GLRB: variants seen among roughly 807,000 people sequenced by gnomAD.
GLRB encodes the protein glycine receptor beta, also known as glycine receptor subunit beta.
In GLRB, 33 loss-of-function variants were observed where a neutral mutation model predicts 54.2. The observed-to-expected ratio is 0.61, with a 90% CI of 0.46 to 0.81. The LOEUF (loss-of-function observed/expected upper bound fraction) is 0.81. Ranked by LOEUF, GLRB falls within the 40% of genes least tolerant of loss-of-function variation. The pLI, the probability that GLRB is intolerant of heterozygous loss-of-function variation, is 0.00. For missense variants in GLRB, 572 were observed against 584.6 expected (o/e 0.98, Z 0.22); for synonymous variants, 209 against 208.2 (o/e 1.00, Z -0.03).
chr4:157,161,797 C>A (rs1737505487), intron 9 of GLRB, among the ~76,000 whole-genome samples: 1 of 152,152 alleles, frequency 6.6e-6, no homozygotes, highest in South Asian at 2.1e-4. Context: ...GTGAATCTGA[C>A]AATTATGTGT....
intron 8 of GLRB, among the ~76,000 whole-genome samples, chr4:157,148,452 C>G (rs1736897553): frequency 6.6e-6 from 1 of 152,112 alleles, no homozygotes; most frequent in Non-Finnish European, 1.5e-5. Context: ...GAAAGTAGGA[C>G]TCAGACAATT....
chr4:157,160,312 CT>C (rs1737428364), intron 9 of GLRB, among the ~76,000 whole-genome samples: 1 of 151,764 alleles, frequency 6.6e-6, no homozygotes, highest in African/African-American at 2.4e-5. Context: ...TTTTGAAGGG[CT>C]TTTTGTGCCT....
intron 2 of GLRB, among the ~76,000 whole-genome samples, chr4:157,111,346 A>G (rs1407676652): frequency 6.6e-6 from 1 of 151,906 alleles, no homozygotes; most frequent in Admixed American, 6.6e-5. Flanking sequence ...CTAGTGTGCT[A>G]GTGTATGATG....
intron 4 of GLRB, among the ~76,000 whole-genome samples, chr4:157,126,101 G>A (rs1300110686): frequency 1.3e-5 from 2 of 151,788 alleles, no homozygotes; most frequent in Non-Finnish European, 2.9e-5. Flanking sequence ...AAGGAAGAGG[G>A]GCAGCCCATT....
chr4:157,120,770 G>T, intron 3 of GLRB, 108 bp downstream of exon 3: 1 of 592,450 alleles, frequency 1.7e-6, no homozygotes. Flanking sequence ...ATTCAAAACA[G>T]TAAGATTTCA....
intron 9 of GLRB, among the ~76,000 whole-genome samples, chr4:157,154,919 C>T (rs1456959237): frequency 6.6e-6 from 1 of 152,066 alleles, no homozygotes; most frequent in East Asian, 1.9e-4. Flanking sequence ...AAAAATGTTA[C>T]CTCTCTTTCA....
chr4:157,079,710 C>G (rs1015602802), intron 2 of GLRB, among the ~76,000 whole-genome samples: 11 of 152,182 alleles, frequency 7.2e-5, no homozygotes, highest in Non-Finnish European at 1.6e-4. Context: ...ACCATCTCAA[C>G]TCTTCACTGT....
intron 3 of GLRB, 54 bp downstream of exon 3, chr4:157,120,716 A>G (rs1467020156): frequency 1.2e-6 from 1 of 821,742 alleles, no homozygotes; most frequent in Non-Finnish European, 2.1e-6. Context: ...TTAATTTTAT[A>G]TGTTTAGAGA....
intron 1 of GLRB, 167 bp downstream of exon 1, chr4:157,076,464 G>T (rs1216937178): frequency 1.4e-5 from 2 of 143,892 alleles, no homozygotes; most frequent in Non-Finnish European, 3.0e-5. Context: ...GCCCTGCGCG[G>T]GAGAGGGGCG....
chr4:157,122,681 T>C (rs1735875434), intron 4 of GLRB, among the ~76,000 whole-genome samples: 1 of 151,796 alleles, frequency 6.6e-6, no homozygotes, highest in Non-Finnish European at 1.5e-5. Context: ...AAAGCGCTTA[T>C]GCCATGAAGA....
At chr4:157,111,723 C>G (rs567561715) in intron 2 of GLRB, among the ~76,000 whole-genome samples, 5 of 152,086 alleles carry the variant, frequency 3.3e-5, no homozygotes, top group Admixed American at 1.3e-4. Context: ...GCTGACATCA[C>G]TCTTAGGGAA....
intron 4 of GLRB, 178 bp from the exon 5 acceptor site, chr4:157,136,291 C>G: frequency 1.7e-6 from 1 of 605,898 alleles, no homozygotes. Context: ...AGACAAGTGT[C>G]TTTATACTGC....
At chr4:157,087,682 C>G (rs1054155895) in intron 2 of GLRB, among the ~76,000 whole-genome samples, 1 of 151,814 alleles carries the variant, frequency 6.6e-6, no homozygotes, top group Admixed American at 6.6e-5. Flanking sequence ...AGGTATTTAA[C>G]TGAACTCCAA....
At chr4:157,082,585 A>G (rs1333915172) in intron 2 of GLRB, among the ~76,000 whole-genome samples, 4 of 152,154 alleles carry the variant, frequency 2.6e-5, no homozygotes, top group African/African-American at 9.7e-5. Context: ...ATTTAGAAAT[A>G]TGGTCTCAAT....
chr4:157,161,746 C>G (rs568914413), intron 9 of GLRB, among the ~76,000 whole-genome samples: 1 of 152,194 alleles, frequency 6.6e-6, no homozygotes, highest in African/African-American at 2.4e-5. Context: ...TGACCTTTCT[C>G]TCTGGCTGCC....
intron 3 of GLRB, among the ~76,000 whole-genome samples, chr4:157,122,103 AAC>A (rs955544474): frequency 1.3e-4 from 20 of 151,084 alleles, no homozygotes; most frequent in African/African-American, 4.9e-4. Context: ...AAAAAAAAAA[AAC>A]ATTATAAAAT....
intron 2 of GLRB, among the ~76,000 whole-genome samples, chr4:157,110,082 G>A (rs1489585151): frequency 6.6e-6 from 1 of 151,922 alleles, no homozygotes; most frequent in East Asian, 2.0e-4. Context: ...AGGTTGCGGG[G>A]TGGGAATAAG....
chr4:157,128,577 A>G (rs1236602726), intron 4 of GLRB, among the ~76,000 whole-genome samples: 1 of 151,864 alleles, frequency 6.6e-6, no homozygotes, highest in African/African-American at 2.4e-5. Flanking sequence ...CAGCCTCAGC[A>G]GGTCTCTATT....
intron 9 of GLRB, among the ~76,000 whole-genome samples, chr4:157,163,451 C>T (rs1171464222): frequency 6.6e-6 from 1 of 152,140 alleles, no homozygotes; most frequent in African/African-American, 2.4e-5. Flanking sequence ...ATCTTGGAAC[C>T]TATGATCATC....
Sources: gnomAD v4.1 joint callset for allele counts (sites outside exome capture counted in the v4.1 genomes callset) on GRCh38, gnomAD v4.1.1 for gene constraint, MANE v1.5 for transcripts, NCBI Gene and HGNC (gene_info 2026-07-23, HGNC 2026-07-21) for gene names.